Variants in OLAH observed in about 807,000 individuals in gnomAD.
The protein encoded by OLAH is oleoyl-ACP hydrolase.
A neutral mutation model predicts 27.8 loss-of-function variants in OLAH; 33 were observed. That is an observed-to-expected ratio of 1.19 (90% CI 0.90 to 1.59). The LOEUF (loss-of-function observed/expected upper bound fraction) is 1.59, where lower values mean the gene tolerates loss of function less well. Ranked by LOEUF, OLAH falls within the 40% of genes most tolerant of loss-of-function variation. OLAH has a pLI of 0.00. For synonymous variants in OLAH, 120 were observed against 102.9 expected (o/e 1.17, Z -1.01); for missense variants, 359 against 310.8 (o/e 1.16, Z -1.17).
intron 5 of OLAH, among the ~76,000 whole-genome samples, chr10:15,064,728 T>A (rs7920885): frequency 0.034 from 5,147 of 152,250 alleles, 114 homozygotes; most frequent in African/African-American, 0.056. Context: ...CACGATCTTG[T>A]CTCACTGCAA....
intron 1 of OLAH, among the ~76,000 whole-genome samples, chr10:15,044,985 T>C (rs1843987123): frequency 6.6e-6 from 1 of 152,332 alleles, no homozygotes; most frequent in Admixed American, 6.5e-5. Flanking sequence ...TCTAAGCCAT[T>C]ATCTCTGGAG....
In OLAH at chr10:15,065,547, T is replaced by C. The variant is rs201818306; in HGVS notation, c.403-37T>C. 7.1e-4 allele frequency: 1,110 copies of C among 1,569,544 alleles called. 3 individuals carry two copies. Among genetic ancestry groups the C allele is most frequent in the Middle Eastern group, 3.9e-3 (23 of 5,826 alleles). ...CAGTTTATGAGCCAAGTGTGTTATATGAAATATCAGGCCTGTGTTGTTGTT... is the reference window on the plus strand; with the variant it reads ...CAGTTTATGAGCCAAGTGTGTTATACGAAATATCAGGCCTGTGTTGTTGTT... On this transcript the variant is annotated intron_variant, in intron 5 of 7. Transcript: ENST00000378228.
intron 3 of OLAH, among the ~76,000 whole-genome samples, 185 bp downstream of exon 3, chr10:15,049,950 G>A (rs1031904860): frequency 8.5e-5 from 13 of 152,080 alleles, no homozygotes; most frequent in African/African-American, 2.9e-4. Context: ...TGTTTTTATC[G>A]TTAGAGCTAG....
intron 1 of OLAH, among the ~76,000 whole-genome samples, chr10:15,046,545 G>A (rs1844021767): frequency 6.6e-6 from 1 of 151,842 alleles, no homozygotes. Context: ...TCAGCTCACT[G>A]CAGACTTCAT....
chr10:15,051,131 G>A (rs532250844), intron 3 of OLAH, among the ~76,000 whole-genome samples: 4 of 147,876 alleles, frequency 2.7e-5, no homozygotes, highest in South Asian at 2.2e-4. Flanking sequence ...GCTGGAGTGC[G>A]GTGGCATGAT....
chr10:15,052,399 A>G (rs1009410852), intron 3 of OLAH, among the ~76,000 whole-genome samples: 2 of 152,200 alleles, frequency 1.3e-5, no homozygotes, highest in East Asian at 1.9e-4. Context: ...AAGTTCCTCC[A>G]TCTCTAAGAC....
Position 15,047,107 on chromosome 10 carries a change from C to T in OLAH, c.-163-19C>T. On this transcript the variant is annotated intron_variant, in intron 1 of 7. Coordinates refer to ENST00000378228, the MANE Select transcript of OLAH (RefSeq NM_001039702.3). ...TGTCTTCTCCTTCCTTTTCCTCTGACCTTCTTTATTTTTAACAGGGATTGG... is the reference window on the plus strand; with the variant it reads ...TGTCTTCTCCTTCCTTTTCCTCTGATCTTCTTTATTTTTAACAGGGATTGG... 2.1e-6 allele frequency: 1 copy of T among 483,608 alleles called. No homozygotes were observed. Among genetic ancestry groups the T allele is most frequent in the Non-Finnish European group, 3.7e-6 (1 of 273,816 alleles). 30.0% of individuals were successfully genotyped at this position (483,608 alleles called of 1,614,324 possible). A position where few individuals can be genotyped will look rare whatever the true frequency, so the allele number is the denominator to read the frequency against.
At chr10:15,034,475 C>T (rs2131322915) in intron 1 of OLAH, among the ~76,000 whole-genome samples, 1 of 152,182 alleles carries the variant, frequency 6.6e-6, no homozygotes, top group Non-Finnish European at 1.5e-5. Flanking sequence ...CTTTGATGGG[C>T]AAGAAAGGAT....
intron 3 of OLAH, among the ~76,000 whole-genome samples, chr10:15,057,667 TG>T (rs1434210057): frequency 5.3e-5 from 8 of 152,198 alleles, no homozygotes; most frequent in Non-Finnish European, 1.2e-4. Context: ...ATTATGGGCA[TG>T]AGCCACCGTG....
rs116208817 is a variant in OLAH, at chr10:15,064,343, G to A, written c.303-60G>A. The A allele has an allele frequency of 1.7e-3, 1,559 of 933,240 alleles. 6 individuals are homozygous for A. Among genetic ancestry groups the A allele is most frequent in the African/African-American group, 0.01 (624 of 60,064 alleles). The allele number at this position is 933,240 out of a possible 1,614,324, so 57.8% of individuals were successfully genotyped here. Reference sequence around the variant, plus strand: ...TATGATACTGTTCCTTTTGACTTTCGGTGGATCATCACGAGTTTTGCTTAA... The same window carrying A: ...TATGATACTGTTCCTTTTGACTTTCAGTGGATCATCACGAGTTTTGCTTAA... On this transcript the variant is annotated intron_variant, in intron 4 of 7. Coordinates refer to ENST00000378228, the MANE Select transcript of OLAH (RefSeq NM_001039702.3).
rs566345549 is a variant in OLAH at position 15,069,501 on chromosome 10, G to C, written c.573-2294G>C. Among the ~76,000 whole-genome samples the C allele has an allele frequency of 1.8e-4, 27 of 152,316 alleles. No individual in the cohort carries two copies. The East Asian group carries it at 5.0e-3, about 28-fold the overall frequency. On this transcript the variant is annotated intron_variant, in intron 6 of 7. Transcript: ENST00000378228. ...ATTGCCACAGCTAACTAACTGCCCT[G>C]TGGAGGTGTCTCTCTAGCCTCTCGC... is the stretch of plus-strand genomic sequence containing the variant.
At chr10:15,063,529 A>G (rs1262146476) in intron 4 of OLAH, among the ~76,000 whole-genome samples, 1 of 152,210 alleles carries the variant, frequency 6.6e-6, no homozygotes, top group Non-Finnish European at 1.5e-5. Context: ...GAAAATATAT[A>G]CATGTGCAAT....
Position 15,073,162 on chromosome 10 carries a change from C to A in OLAH, c.731C>A (p.Ala244Glu). ...PGGHFYLLDPANEKLIKNYII... is the reference protein window; with the variant it reads ...PGGHFYLLDPENEKLIKNYII... ...GGTCACTTTTATCTTCTGGATCCTG[C>A]GAACGAGAAATTAATCAAGAACTAC... is the stretch of plus-strand genomic sequence containing the variant. Residue 244 changes from alanine (A) to glutamate (E), a missense_variant, in exon 8 of 8, where the codon GCG (alanine) becomes GAG (glutamate). Physicochemically the swap from Ala to Glu is moderately radical, Grantham distance 107. Coordinates refer to ENST00000378228, the MANE Select transcript of OLAH (RefSeq NM_001039702.3). The A allele has an allele frequency of 1.9e-6, 3 of 1,610,212 alleles. No homozygotes were observed. Among genetic ancestry groups the A allele is most frequent in the Non-Finnish European group, 2.5e-6 (3 of 1,176,696 alleles).
rs1844037738 is a variant in OLAH at position 15,047,281 on chromosome 10, C to T, written c.-8C>T. On this transcript the variant is annotated 5_prime_UTR_variant, in exon 2 of 8. Transcript: ENST00000378228. ...GAGACCAGCCATCTTGCAACCTCAC[C>T]TCACAGCATGGAGAGAGGAGACCAA... is the stretch of plus-strand genomic sequence containing the variant. 6.2e-7 allele frequency: 1 copy of T among 1,613,278 alleles called. No individual in the cohort carries two copies. Among genetic ancestry groups the T allele is most frequent in the African/African-American group, 1.3e-5 (1 of 74,912 alleles).
At chr10:15,063,794 G>A (rs1844413879) in intron 4 of OLAH, among the ~76,000 whole-genome samples, 1 of 152,078 alleles carries the variant, frequency 6.6e-6, no homozygotes, top group Non-Finnish European at 1.5e-5. Context: ...ATATTTTAAT[G>A]AAAAAGACTA....
chr10:15,040,727 A>G (rs1843907323), upstream of OLAH, among the ~76,000 whole-genome samples: 1 of 152,120 alleles, frequency 6.6e-6, no homozygotes, highest in African/African-American at 2.4e-5. Flanking sequence ...TCATTCTTGC[A>G]TGGTAGGAAG....
At chr10:15,039,607 C>T (rs1443959162), upstream of OLAH, among the ~76,000 whole-genome samples, 2 of 152,058 alleles carry the variant, frequency 1.3e-5, no homozygotes, top group South Asian at 2.1e-4. Flanking sequence ...CATTTGTAGG[C>T]GACTTTTGAG....
At chr10:15,034,390 C>T (rs972422003) in intron 1 of OLAH, among the ~76,000 whole-genome samples, 15 of 149,732 alleles carry the variant, frequency 1.0e-4, no homozygotes, top group Non-Finnish European at 2.1e-4. Flanking sequence ...ACCTCGGCCT[C>T]CCAGAGTACT....
upstream of OLAH, among the ~76,000 whole-genome samples, chr10:15,039,101 C>T (rs1490425994): frequency 6.6e-6 from 1 of 151,784 alleles, no homozygotes; most frequent in Non-Finnish European, 1.5e-5. Context: ...TGGTGTGCAC[C>T]TCTAGTCCTA....
Sources: gnomAD v4.1 joint callset for allele counts (sites outside exome capture counted in the v4.1 genomes callset) on GRCh38, gnomAD v4.1.1 for gene constraint, MANE v1.5 for transcripts, NCBI Gene and HGNC (gene_info 2026-07-23, HGNC 2026-07-21) for gene names.